IGSF3: variants seen among roughly 807,000 people sequenced by gnomAD.
The protein encoded by IGSF3 is glu-Trp-Ile EWI motif-containing protein 3.
In IGSF3, 23 loss-of-function variants were observed where a neutral mutation model predicts 114.4. The observed-to-expected ratio is 0.20, with a 90% CI of 0.14 to 0.28. The LOEUF is 0.28. Ranked by LOEUF, IGSF3 falls within the 10% of genes least tolerant of loss-of-function variation. The pLI is 1.00. For synonymous variants in IGSF3, 571 were observed against 645.2 expected (o/e 0.88, Z 1.74); for missense variants, 1,172 against 1,591.5 (o/e 0.74, Z 4.48).
At chr1:116,626,499 CT>C (rs563869061) in intron 2 of IGSF3, among the ~76,000 whole-genome samples, 5 of 151,478 alleles carry the variant, frequency 3.3e-5, no homozygotes, top group South Asian at 2.1e-4. Context: ...GTTATTTATA[CT>C]TTTTTTTTCT....
intron 2 of IGSF3, among the ~76,000 whole-genome samples, chr1:116,637,711 C>G (rs924712082): frequency 3.9e-5 from 6 of 152,228 alleles, no homozygotes; most frequent in Non-Finnish European, 7.3e-5. Flanking sequence ...TTGCATTCAC[C>G]CTTGTTCCAT....
At chr1:116,581,812 C>T (rs1659611992) in intron 9 of IGSF3, among the ~76,000 whole-genome samples, 1 of 152,186 alleles carries the variant, frequency 6.6e-6, no homozygotes, top group Non-Finnish European at 1.5e-5. Flanking sequence ...ACTCACTCAA[C>T]TCCTCAGTTG....
In IGSF3 at chr1:116,583,545, G is replaced by A. The variant is rs1011766609; in HGVS notation, c.2848+1100C>T. Among the ~76,000 whole-genome samples the A allele has an allele frequency of 6.6e-6, 1 of 152,114 alleles. No homozygotes were observed. The highest frequency in any genetic ancestry group is 2.4e-5 in the African/African-American group (1 of 41,412). On this transcript the variant is annotated intron_variant, in intron 9 of 10. Transcript: ENST00000369486. The surrounding 1 kb of genome is among the most constrained non-coding windows in gnomAD (Gnocchi z 4.5). ...CCTGGAGATGCAATATTCCACCAACGAAATGAGCTGCTCTACTCAGACATG... is the reference window on the plus strand; with the variant it reads ...CCTGGAGATGCAATATTCCACCAACAAAATGAGCTGCTCTACTCAGACATG...
intron 1 of IGSF3, among the ~76,000 whole-genome samples, chr1:116,667,393 A>T (rs889145673): frequency 1.4e-4 from 21 of 152,138 alleles, no homozygotes; most frequent in Non-Finnish European, 3.1e-4. Flanking sequence ...CTGATTGGAA[A>T]GAAAAGAAAC....
chr1:116,577,157 T>A lies in IGSF3; in HGVS notation c.*155A>T. 1 of 759,462 alleles carries A rather than the reference T, an allele frequency of 1.3e-6. No homozygotes were observed. The highest frequency in any genetic ancestry group is 2.1e-6 in the Non-Finnish European group (1 of 480,988). 47.0% of individuals were successfully genotyped at this position (759,462 alleles called of 1,614,324 possible). A position where few individuals can be genotyped will look rare whatever the true frequency, so the allele number is the denominator to read the frequency against. ...AAGACTGCCACCGAGAGGCAGTCTG[T>A]CTCTGTGACTGACTGGGAACTTGGA... On this transcript the variant is annotated 3_prime_UTR_variant, in exon 11 of 11. Coordinates refer to ENST00000369486, the MANE Select transcript of IGSF3 (RefSeq NM_001007237.3). The surrounding 1 kb of genome is among the most constrained non-coding windows in gnomAD (Gnocchi z 5.7).
rs1200131276 is a variant in IGSF3 at position 116,577,434 on chromosome 1, T to C, written c.3463A>G (p.Ser1155Gly). Residue 1155 changes from serine (S) to glycine (G), a missense_variant, in exon 11 of 11, where the codon AGC becomes GGC. Coordinates refer to ENST00000369486, the MANE Select transcript of IGSF3 (RefSeq NM_001007237.3). The surrounding 1 kb of genome is among the most constrained non-coding windows in gnomAD (Gnocchi z 5.7). ...CCATTCTTCCCATCAGAGTTCTTGC[T>C]GGAGTTCCGGCTCTTGAAACGCACC... ...LLVRFKSRNS[S>G]KNSDGKNGVP... is the part of the protein sequence containing the mutation. 6.2e-7 allele frequency: 1 copy of C among 1,614,194 alleles called. No individual in the cohort carries two copies. Among genetic ancestry groups the C allele is most frequent in the East Asian group, 2.2e-5 (1 of 44,888 alleles).
At chr1:116,631,850 C>T (rs1210045081) in intron 2 of IGSF3, among the ~76,000 whole-genome samples, 1 of 152,212 alleles carries the variant, frequency 6.6e-6, no homozygotes, top group Non-Finnish European at 1.5e-5. Flanking sequence ...GAGGTGCCTC[C>T]AAAGGCCATG....
At position 116,657,440 on chromosome 1, in the gene IGSF3, G is replaced by A. The variant is rs1359066689; in HGVS notation, c.43+8844C>T. ...TAACCCCACTTTCCCTAACCACAGG[G>A]CTAAGCAACCTAATGGATCAAACAT... On this transcript the variant is annotated intron_variant, in intron 2 of 10. Coordinates refer to ENST00000369486, the MANE Select transcript of IGSF3 (RefSeq NM_001007237.3). The surrounding 1 kb of genome is among the most constrained non-coding windows in gnomAD (Gnocchi z 4.2). 1.3e-5 allele frequency among the ~76,000 whole-genome samples: 2 copies of A among 148,952 alleles called. No homozygotes were observed. Among genetic ancestry groups the A allele is most frequent in the Non-Finnish European group, 3.0e-5 (2 of 67,694 alleles).
At chr1:116,590,764 C>T (rs532526723) in intron 7 of IGSF3, among the ~76,000 whole-genome samples, 8 of 151,960 alleles carry the variant, frequency 5.3e-5, no homozygotes, top group Admixed American at 2.0e-4. Context: ...TTGATTGAGT[C>T]CCATGCATCA....
chr1:116,579,986 A>G lies in IGSF3; in HGVS notation c.2849-109T>C. The G allele has an allele frequency of 2.9e-6, 3 of 1,018,566 alleles. No individual in the cohort carries two copies. The highest frequency in any genetic ancestry group is 4.2e-6 in the Non-Finnish European group (3 of 716,956). The allele number at this position is 1,018,566 out of a possible 1,614,324, so 63.1% of individuals were successfully genotyped here. A position where few individuals can be genotyped will look rare whatever the true frequency, so the allele number is the denominator to read the frequency against. On this transcript the variant is annotated intron_variant, in intron 9 of 10. Coordinates refer to ENST00000369486, the MANE Select transcript of IGSF3 (RefSeq NM_001007237.3). This position sits in a 1 kb window ranked among gnomAD's most constrained non-coding sequence, Gnocchi z 6.4. ...ATGATAGTAACATCCATACTATAAG[A>G]TATTATGCACCTATTGAAAAGGCAT...
At position 116,583,022 on chromosome 1, in the gene IGSF3, C is replaced by A. The variant is rs1571115529; in HGVS notation, c.2848+1623G>T. 6.6e-6 allele frequency among the ~76,000 whole-genome samples: 1 copy of A among 152,186 alleles called. No homozygotes were observed. Among genetic ancestry groups the A allele is most frequent in the African/African-American group, 2.4e-5 (1 of 41,450 alleles). On this transcript the variant is annotated intron_variant, in intron 9 of 10. Coordinates refer to ENST00000369486, the MANE Select transcript of IGSF3 (RefSeq NM_001007237.3). The surrounding 1 kb of genome is among the most constrained non-coding windows in gnomAD (Gnocchi z 4.5). ...TAACGGTTCAGGTCCATGTTGGAAG[C>A]ACACAGTGTGGCAGGAGGGAAGCCT...
intron 8 of IGSF3, among the ~76,000 whole-genome samples, chr1:116,587,858 A>T (rs1659918801): frequency 6.6e-6 from 1 of 152,208 alleles, no homozygotes; most frequent in South Asian, 2.1e-4. Flanking sequence ...CAAGAAGGAC[A>T]GGCAGTGACA....
chr1:116,579,205 T>C lies in IGSF3; in HGVS notation c.3334+187A>G. On this transcript the variant is annotated intron_variant, in intron 10 of 10. Transcript: ENST00000369486. This position sits in a 1 kb window ranked among gnomAD's most constrained non-coding sequence, Gnocchi z 6.4. ...TCACTTTAATTTCTATCCCTATTTTTGCATGGGTAATCAAGGGTCAATTAT... is the reference window on the plus strand; with the variant it reads ...TCACTTTAATTTCTATCCCTATTTTCGCATGGGTAATCAAGGGTCAATTAT... Among the ~76,000 whole-genome samples the C allele has an allele frequency of 6.6e-6, 1 of 152,356 alleles. No homozygotes were observed. Among genetic ancestry groups the C allele is most frequent in the Admixed American group, 6.5e-5 (1 of 15,310 alleles).
chr1:116,620,358 T>A (rs1299316861), intron 2 of IGSF3, among the ~76,000 whole-genome samples: 1 of 152,182 alleles, frequency 6.6e-6, no homozygotes, highest in Non-Finnish European at 1.5e-5. Flanking sequence ...GGTCAGTGAT[T>A]TGATCAGTCA....
In IGSF3 at chr1:116,628,165, A is replaced by G. The variant is rs976106667; in HGVS notation, c.44-11708T>C. Among the ~76,000 whole-genome samples, 21 of 152,168 alleles carry G rather than the reference A, an allele frequency of 1.4e-4. No homozygotes were observed. The highest frequency in any genetic ancestry group is 5.1e-4 in the African/African-American group (21 of 41,438). Reference sequence around the variant, plus strand: ...ACACTGTGGGATTTCAGGGCAACCCATGAGTGAGGATCACAGCACAGCTAT... The same window carrying G: ...ACACTGTGGGATTTCAGGGCAACCCGTGAGTGAGGATCACAGCACAGCTAT... On this transcript the variant is annotated intron_variant, in intron 2 of 10. Coordinates refer to ENST00000369486, the MANE Select transcript of IGSF3 (RefSeq NM_001007237.3). The surrounding 1 kb of genome is among the most constrained non-coding windows in gnomAD (Gnocchi z 4.2).
rs960970350 is a variant in IGSF3, at chr1:116,579,144, A to G, written c.3334+248T>C. ...TATTACTAAAATTGAATCTGGTAGA[A>G]CATCGAGTTTATTATAAAGATTATA... On this transcript the variant is annotated intron_variant, in intron 10 of 10. Transcript: ENST00000369486. The surrounding 1 kb of genome is among the most constrained non-coding windows in gnomAD (Gnocchi z 6.4). Among the ~76,000 whole-genome samples the G allele has an allele frequency of 1.3e-5, 2 of 152,218 alleles. No individual in the cohort carries two copies. The highest frequency in any genetic ancestry group is 6.5e-5 in the Admixed American group (1 of 15,282).
chr1:116,578,664 T>G (rs1659459380), intron 10 of IGSF3, among the ~76,000 whole-genome samples: 1 of 152,228 alleles, frequency 6.6e-6, no homozygotes, highest in Admixed American at 6.5e-5. Flanking sequence ...TTTTTTTTCT[T>G]TCTGTATTCT....
Position 116,583,943 on chromosome 1 carries a change from T to C in IGSF3, c.2848+702A>G, listed in dbSNP as rs1253211737. On this transcript the variant is annotated intron_variant, in intron 9 of 10. Transcript: ENST00000369486. This position sits in a 1 kb window ranked among gnomAD's most constrained non-coding sequence, Gnocchi z 4.5. Reference sequence around the variant, plus strand: ...AGCTCACACCTGTAATCCCACCACTTTGAAAAGCCGAGGCGGTGGTGGGGG... The same window carrying C: ...AGCTCACACCTGTAATCCCACCACTCTGAAAAGCCGAGGCGGTGGTGGGGG... 6.6e-6 allele frequency among the ~76,000 whole-genome samples: 1 copy of C among 152,100 alleles called. No individual in the cohort carries two copies. The highest frequency in any genetic ancestry group is 2.4e-5 in the African/African-American group (1 of 41,416).
At position 116,580,573 on chromosome 1, in the gene IGSF3, G is replaced by T. The variant is rs146833279; in HGVS notation, c.2849-696C>A. Among the ~76,000 whole-genome samples the T allele has an allele frequency of 3.5e-3, 527 of 152,348 alleles. 1 individual carries two copies. The highest frequency in any genetic ancestry group is 5.2e-3 in the Non-Finnish European group (353 of 68,044). On this transcript the variant is annotated intron_variant, in intron 9 of 10. Transcript: ENST00000369486. Reference sequence around the variant, plus strand: ...ATCTCTCTCCAGGTGCATGCACCGAGGAAAGACTATTCAAGGACACAGCAA... The same window carrying T: ...ATCTCTCTCCAGGTGCATGCACCGATGAAAGACTATTCAAGGACACAGCAA...
Sources: allele counts gnomAD v4.1 joint callset (sites outside exome capture counted in the v4.1 genomes callset), GRCh38; gene constraint gnomAD v4.1.1; non-coding constraint Gnocchi (gnomAD v3.1); transcripts MANE v1.5; gene names NCBI Gene and HGNC (gene_info 2026-07-23, HGNC 2026-07-21).